TTLL5: variants seen among roughly 807,000 people sequenced by gnomAD.
TTLL5 encodes the protein tubulin tyrosine ligase like 5, also known as tubulin polyglutamylase TTLL5.
TTLL5 carries 132 observed loss-of-function variants against 168.4 expected under a neutral mutation model. The ratio of observed to expected loss-of-function variants is 0.78; its 90% confidence interval spans 0.68 to 0.91. The LOEUF is 0.91. Ranked by LOEUF, TTLL5 falls within the 40% of genes least tolerant of loss-of-function variation. The pLI is 0.00. For synonymous variants in TTLL5, 546 were observed against 558.6 expected, an observed-to-expected ratio of 0.98 and a Z score of 0.32; for missense variants, 1,545 against 1,581.5, an observed-to-expected ratio of 0.98 and a Z score of 0.39.
Position 75,763,253 on chromosome 14 carries a change from C to CTGTGTGTGTGTGTGTG in TTLL5, c.1551-1361_1551-1360insGTGTGTGTGTGTGTGT, listed in dbSNP as rs202149877. ...TAAAAGTTTATTTCTATAGCTCTCT[C>CTGTGTGTGTGTGTGTG]TCTGTGTGTGTGTGTGTGTGTGTGT... On this transcript the variant is annotated intron_variant, in intron 18 of 31. Coordinates refer to ENST00000298832, the MANE Select transcript of TTLL5 (RefSeq NM_015072.5). 3.9e-3 allele frequency among the ~76,000 whole-genome samples: 565 copies of CTGTGTGTGTGTGTGTG among 145,470 alleles called. 6 individuals carry two copies. The highest frequency in any genetic ancestry group is 0.013 in the African/African-American group (511 of 39,326).
chr14:75,891,797 C>T (rs1342100504), intron 30 of TTLL5, among the ~76,000 whole-genome samples: 1 of 152,116 alleles, frequency 6.6e-6, no homozygotes, highest in African/African-American at 2.4e-5. Flanking sequence ...AAATGGGATT[C>T]GGATTCTGGT....
intron 27 of TTLL5, 22 bp from the exon 28 acceptor site, chr14:75,819,985 A>G (rs775442905): frequency 6.3e-7 from 1 of 1,580,572 alleles, no homozygotes; most frequent in Non-Finnish European, 8.6e-7. Flanking sequence ...AAGTCAGGTT[A>G]TTTCCCTCGC....
intron 17 of TTLL5, among the ~76,000 whole-genome samples, chr14:75,749,831 T>C (rs1889838620): frequency 6.6e-6 from 1 of 152,164 alleles, no homozygotes; most frequent in Non-Finnish European, 1.5e-5. Flanking sequence ...GTCTACATTA[T>C]GCTTGGTTCT....
At chr14:75,735,116 T>C in intron 14 of TTLL5, 79 bp from the exon 15 acceptor site, 2 of 1,298,532 alleles carry the variant, frequency 1.5e-6, no homozygotes, top group South Asian at 2.4e-5. Flanking sequence ...TGAGTTTGTG[T>C]ATCTAAAGAA....
chr14:75,806,432 A>C (rs1893658739), intron 27 of TTLL5, among the ~76,000 whole-genome samples: 1 of 152,140 alleles, frequency 6.6e-6, no homozygotes, highest in Non-Finnish European at 1.5e-5. Flanking sequence ...CAGGCTGTTA[A>C]ATGTGATTCA....
chr14:75,789,748 A>G (rs1892583731), intron 26 of TTLL5, among the ~76,000 whole-genome samples: 1 of 152,246 alleles, frequency 6.6e-6, no homozygotes, highest in Admixed American at 6.5e-5. Flanking sequence ...TATACCACGT[A>G]CATGCATAGG....
intron 28 of TTLL5, among the ~76,000 whole-genome samples, chr14:75,828,735 T>A (rs534371507): frequency 1.4e-4 from 22 of 152,346 alleles, no homozygotes; most frequent in African/African-American, 5.3e-4. Context: ...CTCAAATATC[T>A]TACTAGCTGC....
At chr14:75,856,453 A>T (rs1897128819) in intron 28 of TTLL5, among the ~76,000 whole-genome samples, 1 of 152,188 alleles carries the variant, frequency 6.6e-6, no homozygotes, top group African/African-American at 2.4e-5. Context: ...TAGACATTCT[A>T]ACAATATTGA....
At chr14:75,914,709 C>T (rs1354746007) in intron 31 of TTLL5, among the ~76,000 whole-genome samples, 2 of 150,464 alleles carry the variant, frequency 1.3e-5, no homozygotes, top group South Asian at 4.2e-4. Flanking sequence ...CTGCAAGCTC[C>T]GCCTCCCAGG....
At chr14:75,735,932 T>C (rs556211001) in intron 15 of TTLL5, among the ~76,000 whole-genome samples, 2 of 152,310 alleles carry the variant, frequency 1.3e-5, no homozygotes, top group African/African-American at 4.8e-5. Flanking sequence ...TTTCCACTTT[T>C]GTTTCTTGGC....
intron 28 of TTLL5, among the ~76,000 whole-genome samples, chr14:75,844,126 C>G (rs1234300156): frequency 6.6e-6 from 1 of 151,984 alleles, no homozygotes; most frequent in Non-Finnish European, 1.5e-5. Context: ...CATGATCCGC[C>G]CGCCTCAGCC....
At chr14:75,735,354 G>C (rs974767568) in intron 15 of TTLL5, 65 bp downstream of exon 15, 2 of 1,518,112 alleles carry the variant, frequency 1.3e-6, no homozygotes, top group Admixed American at 1.7e-5. Context: ...TGATGTAACT[G>C]TGGGAGCAGA....
chr14:75,679,565 A>G (rs1566811350), intron 3 of TTLL5, among the ~76,000 whole-genome samples: 1 of 152,220 alleles, frequency 6.6e-6, no homozygotes, highest in Non-Finnish European at 1.5e-5. Context: ...ACTCCTTGTA[A>G]GTGTGGATAC....
At chr14:75,929,587 G>A (rs546138876) in intron 31 of TTLL5, among the ~76,000 whole-genome samples, 6 of 151,704 alleles carry the variant, frequency 4.0e-5, no homozygotes, top group Non-Finnish European at 7.4e-5. Context: ...CAAGTAGCTG[G>A]GATTACAGGT....
At chr14:75,922,298 T>C (rs901928223) in intron 31 of TTLL5, among the ~76,000 whole-genome samples, 1 of 152,166 alleles carries the variant, frequency 6.6e-6, no homozygotes, top group African/African-American at 2.4e-5. Flanking sequence ...GAGGGCATCC[T>C]TGTCTTGTGC....
intron 6 of TTLL5, 129 bp downstream of exon 6, chr14:75,690,451 A>G: frequency 8.5e-7 from 1 of 1,180,566 alleles, no homozygotes; most frequent in South Asian, 1.9e-5. Context: ...ACTCTTTAGT[A>G]AAACAGTTGC....
rs143969613 is a variant in TTLL5, at chr14:75,783,094, T to G, written c.2603-53T>G. ...TTTAAAAATATTTGTTTTATAGAGA[T>G]TGTATGTTTGTTTTTCCTATAATGA... is the stretch of plus-strand genomic sequence containing the variant. On this transcript the variant is annotated intron_variant, in intron 25 of 31. Transcript: ENST00000298832. The G allele has an allele frequency of 5.1e-3, 7,635 of 1,501,764 alleles. 25 individuals carry two copies. Among genetic ancestry groups the G allele is most frequent in the East Asian group, 0.015 (656 of 44,256 alleles). The allele number at this position is 1,501,764 out of a possible 1,614,324, so 93.0% of individuals were successfully genotyped here.
At chr14:75,918,912 A>G (rs2033717004) in intron 31 of TTLL5, among the ~76,000 whole-genome samples, 1 of 152,142 alleles carries the variant, frequency 6.6e-6, no homozygotes, top group Non-Finnish European at 1.5e-5. Flanking sequence ...CATTTAAAGA[A>G]AAGCTTCTGG....
chr14:75,749,898 G>A (rs986900554), intron 17 of TTLL5, among the ~76,000 whole-genome samples: 1 of 151,994 alleles, frequency 6.6e-6, no homozygotes, highest in Admixed American at 6.6e-5. Flanking sequence ...TTAACAGTAT[G>A]TTTATGGAAA....
Sources: gnomAD v4.1 joint callset for allele counts (sites outside exome capture counted in the v4.1 genomes callset) on GRCh38, gnomAD v4.1.1 for gene constraint, MANE v1.5 for transcripts, NCBI Gene and HGNC (gene_info 2026-07-23, HGNC 2026-07-21) for gene names.